Variants in ABTB3 observed in about 807,000 individuals in gnomAD.
ABTB3 encodes the protein ankyrin repeat- and BTB/POZ domain-containing protein 3.
the ABTB3 span, among the ~76,000 whole-genome samples, chr12:107,559,730 C>T: frequency 6.6e-6 from 1 of 152,248 alleles, no homozygotes; most frequent in African/African-American, 2.4e-5. Flanking sequence ...ACAAACAAAC[C>T]CTCTACAGGT....
At chr12:107,371,517 G>C in the ABTB3 span, among the ~76,000 whole-genome samples, 1 of 152,190 alleles carries the variant, frequency 6.6e-6, no homozygotes, top group African/African-American at 2.4e-5. Context: ...AAGCAGTAAA[G>C]TCTGGCCTAG....
At chr12:107,533,760 A>C in the ABTB3 span, among the ~76,000 whole-genome samples, 1 of 152,332 alleles carries the variant, frequency 6.6e-6, no homozygotes, top group African/African-American at 2.4e-5. Flanking sequence ...GTTAAACTGC[A>C]CTTTAAGCCA....
At chr12:107,334,257 T>C in the ABTB3 span, among the ~76,000 whole-genome samples, 1 of 151,974 alleles carries the variant, frequency 6.6e-6, no homozygotes, top group Admixed American at 6.6e-5. Context: ...GGGAGACCAG[T>C]GTGTGGAGGC....
At chr12:107,612,994 C>G in the ABTB3 span, 1 of 870,324 alleles carries the variant, frequency 1.1e-6, no homozygotes, top group Non-Finnish European at 1.8e-6. Flanking sequence ...ATAGCTCTTT[C>G]CTGTGTCCTT....
chr12:107,335,000 T>C, the ABTB3 span, among the ~76,000 whole-genome samples: 5 of 152,224 alleles, frequency 3.3e-5, no homozygotes, highest in East Asian at 1.9e-4. Flanking sequence ...AGAAGCAGCA[T>C]TGAGGCCAGG....
At chr12:107,468,972 A>G in the ABTB3 span, among the ~76,000 whole-genome samples, 61 of 152,258 alleles carry the variant, frequency 4.0e-4, no homozygotes, top group African/African-American at 1.4e-3. Context: ...TAGGGATTTC[A>G]GAGGTTCGAT....
the ABTB3 span, chr12:107,319,832 G>T: frequency 8.0e-7 from 1 of 1,255,256 alleles, no homozygotes; most frequent in South Asian, 2.1e-5. Flanking sequence ...AGCGGCGAGC[G>T]GCGGCGCCTG....
At chr12:107,488,618 T>C in the ABTB3 span, among the ~76,000 whole-genome samples, 1 of 151,790 alleles carries the variant, frequency 6.6e-6, no homozygotes, top group African/African-American at 2.4e-5. Context: ...TGAAGATTTC[T>C]GAGCAAGGAA....
At chr12:107,459,889 C>T in the ABTB3 span, among the ~76,000 whole-genome samples, 9 of 152,318 alleles carry the variant, frequency 5.9e-5, 1 homozygote, top group Admixed American at 3.3e-4. Flanking sequence ...ATGGCCCTCC[C>T]GCCCTGCAGA....
the ABTB3 span, among the ~76,000 whole-genome samples, chr12:107,429,463 A>G: frequency 2.0e-5 from 3 of 152,170 alleles, no homozygotes; most frequent in Non-Finnish European, 4.4e-5. Flanking sequence ...TCGAGTGTGC[A>G]GTGAGTCACA....
chr12:107,449,188 T>C, the ABTB3 span, among the ~76,000 whole-genome samples: 2 of 152,218 alleles, frequency 1.3e-5, no homozygotes, highest in Non-Finnish European at 2.9e-5. Flanking sequence ...TATAGCCAGC[T>C]GGGCTCCAGG....
chr12:107,656,681 T>C, the ABTB3 span, among the ~76,000 whole-genome samples: 2 of 152,230 alleles, frequency 1.3e-5, no homozygotes, highest in Admixed American at 6.5e-5. Flanking sequence ...AATGTAGCTA[T>C]ATATTATGCT....
the ABTB3 span, among the ~76,000 whole-genome samples, chr12:107,527,971 A>G: frequency 1.3e-5 from 2 of 152,150 alleles, no homozygotes; most frequent in Non-Finnish European, 2.9e-5. Context: ...AGTCTGTGAG[A>G]AAAGGGTGAC....
At chr12:107,645,845 G>A in the ABTB3 span, among the ~76,000 whole-genome samples, 1 of 152,294 alleles carries the variant, frequency 6.6e-6, no homozygotes, top group South Asian at 2.1e-4. Context: ...CATTAGACTC[G>A]CGTTACTGTA....
At chr12:107,653,120 G>A in the ABTB3 span, among the ~76,000 whole-genome samples, 3,437 of 152,206 alleles carry the variant, frequency 0.023, 144 homozygotes, top group African/African-American at 0.078. Context: ...AAAATTTTCC[G>A]TTTGGTATAA....
the ABTB3 span, among the ~76,000 whole-genome samples, chr12:107,386,808 T>C: frequency 2.6e-5 from 4 of 152,032 alleles, no homozygotes; most frequent in African/African-American, 4.8e-5. Context: ...TCTAATTATG[T>C]CATGTCATGG....
At chr12:107,453,920 T>C in the ABTB3 span, among the ~76,000 whole-genome samples, 4 of 152,222 alleles carry the variant, frequency 2.6e-5, no homozygotes, top group East Asian at 7.7e-4. Flanking sequence ...GGATGACTCC[T>C]GAGTTTCCTG....
the ABTB3 span, among the ~76,000 whole-genome samples, chr12:107,630,665 C>T: frequency 7.9e-5 from 12 of 151,942 alleles, no homozygotes; most frequent in Non-Finnish European, 4.4e-5. Flanking sequence ...GGGCCCCGAG[C>T]TCCTGGGCTC....
chr12:107,331,988 G>C, the ABTB3 span, among the ~76,000 whole-genome samples: 10 of 152,224 alleles, frequency 6.6e-5, no homozygotes, highest in Non-Finnish European at 1.3e-4. Context: ...TATGGATTAA[G>C]GAAACAGACC....
Sources: allele counts gnomAD v4.1 joint callset (sites outside exome capture counted in the v4.1 genomes callset), GRCh38; gene constraint gnomAD v4.1.1; transcripts MANE v1.5; gene names NCBI Gene and HGNC (gene_info 2026-07-23, HGNC 2026-07-21).